LRP4: variants seen among roughly 807,000 people sequenced by gnomAD.
LRP4 encodes low-density lipoprotein receptor-related protein 4.
Under a neutral mutation model 220.3 loss-of-function variants are expected in LRP4, and 95 were observed. That is an observed-to-expected ratio of 0.43 (90% CI 0.37 to 0.51). The LOEUF (loss-of-function observed/expected upper bound fraction) is 0.51, where lower values mean the gene tolerates loss of function less well. Ranked by LOEUF, LRP4 falls within the 20% of genes least tolerant of loss-of-function variation. The pLI, the probability that LRP4 is intolerant of heterozygous loss-of-function variation, is 0.00. For synonymous variants in LRP4, 903 were observed against 954.6 expected, an observed-to-expected ratio of 0.95 and a Z score of 1.00; for missense variants, 1,925 against 2,567.0, an observed-to-expected ratio of 0.75 and a Z score of 5.40.
In LRP4 at chr11:46,879,069, G is replaced by A. The variant is rs17848223; in HGVS notation, c.3005-31C>T. ...TAGAGAGGAGGGGATGTTCAATGGG[G>A]AGAGCTAGGGCATAGGAGGGCCACG... On this transcript the variant is annotated intron_variant, in intron 21 of 37. Transcript: ENST00000378623. 1.5e-4 allele frequency: 248 copies of A among 1,614,228 alleles called. 4 individuals carry two copies. In the East Asian group the frequency reaches 2.8e-3, roughly 18 times the overall value.
In LRP4 at chr11:46,879,334, T is replaced by C. The variant is rs1481895717; in HGVS notation, c.2815-19A>G. On this transcript the variant is annotated intron_variant, in intron 20 of 37. Coordinates refer to ENST00000378623, the MANE Select transcript of LRP4 (RefSeq NM_002334.4). ...TCAGCACCTGCCAGGGCCCCAACAC[T>C]GTGTCATCTTCAACAAAGTCTGACA... 1 of 1,613,482 alleles carries C rather than the reference T, an allele frequency of 6.2e-7. No individual in the cohort carries two copies.
intron 35 of LRP4, 58 bp from the exon 36 acceptor site, chr11:46,864,593 G>C (rs539213829): frequency 4.3e-6 from 5 of 1,173,868 alleles, no homozygotes; most frequent in Non-Finnish European, 6.4e-6. Context: ...AGCGGTGCTG[G>C]TGTGAGGAAT....
At position 46,881,705 on chromosome 11, in the gene LRP4, C is replaced by T. The variant is rs1941163983; in HGVS notation, c.2811G>A (p.Arg937=). 6.2e-7 allele frequency: 1 copy of T among 1,614,190 alleles called. No homozygotes were observed. Residue 937 remains arginine, a synonymous_variant, in exon 20 of 38, where the codon AGG becomes AGA. Transcript: ENST00000378623. ...IEFAGLDGSK[R]KVLIGSQLPH... ...TTCCTCTTACTGCCACCCTTACCTT[C>T]CTCTTACTGCCATCCAGTCCAGCAA...
At position 46,873,529 on chromosome 11, in the gene LRP4, C is replaced by T; in HGVS notation, c.4294G>A (p.Gly1432Arg). The part of the protein sequence containing the change: ...VIGRGLKTTD[G>R]LAVDWVARNL... ...CTGGCCACCCAGTCCACTGCCAGCC[C>T]GTCAGTGGTCTTCAGCCCTCGCCCG... is the stretch of plus-strand genomic sequence containing the variant. The change falls in exon 29 of 38, where the codon GGG becomes AGG. Residue 1432 changes from glycine (G) to arginine (R), a missense_variant. Transcript: ENST00000378623. The surrounding 1 kb of genome is among the most constrained non-coding windows in gnomAD (Gnocchi z 4.2). 1.2e-6 allele frequency: 2 copies of T among 1,614,202 alleles called. No homozygotes were observed. Among genetic ancestry groups the T allele is most frequent in the Non-Finnish European group, 8.5e-7 (1 of 1,180,044 alleles).
chr11:46,877,651 T>C (rs531800451), intron 22 of LRP4, among the ~76,000 whole-genome samples: 13 of 152,094 alleles, frequency 8.5e-5, no homozygotes, highest in African/African-American at 3.1e-4. Context: ...TATTTTTTTG[T>C]AGAGATGGGG....
intron 37 of LRP4, among the ~76,000 whole-genome samples, chr11:46,861,508 C>T (rs1327275857): frequency 1.5e-5 from 2 of 134,798 alleles, no homozygotes; most frequent in Non-Finnish European, 1.6e-5. Context: ...AGTTAGTTTC[C>T]TTGTGGAAAT....
chr11:46,862,874 A>G, intron 36 of LRP4, 127 bp from the exon 37 acceptor site: 1 of 792,826 alleles, frequency 1.3e-6, no homozygotes, highest in Non-Finnish European at 2.2e-6. Context: ...CCTGGTACTC[A>G]TGCCCTTAAG....
intron 34 of LRP4, among the ~76,000 whole-genome samples, chr11:46,867,264 G>A (rs1292932805): frequency 1.3e-5 from 2 of 152,008 alleles, no homozygotes; most frequent in Non-Finnish European, 2.9e-5. Flanking sequence ...TATAAGCTAA[G>A]GCCATCATAT....
At chr11:46,878,253 A>G (rs559695385) in intron 22 of LRP4, among the ~76,000 whole-genome samples, 1 of 145,036 alleles carries the variant, frequency 6.9e-6, no homozygotes, top group South Asian at 2.2e-4. Context: ...TATTATACCA[A>G]TTTTGGGCAG....
In LRP4 at chr11:46,876,841, A is replaced by G; in HGVS notation, c.3278-11T>C. Reference sequence around the variant, plus strand: ...ACCAGTACACCTTTCCTGGAGAGGGAAAGCTTGGCTCAACCTAGACCCTCA... The same window carrying G: ...ACCAGTACACCTTTCCTGGAGAGGGGAAGCTTGGCTCAACCTAGACCCTCA... On this transcript the variant is annotated splice_polypyrimidine_tract_variant and intron_variant, in intron 23 of 37. Coordinates refer to ENST00000378623, the MANE Select transcript of LRP4 (RefSeq NM_002334.4). The G allele has an allele frequency of 6.2e-7, 1 of 1,610,870 alleles. No homozygotes were observed. The highest frequency in any genetic ancestry group is 8.5e-7 in the Non-Finnish European group (1 of 1,177,440).
Position 46,876,483 on chromosome 11 carries a change from T to A in LRP4, c.3519A>T (p.Val1173=). ...WQNLDSPRAI[V]LYHEMGFMYW... is the part of the protein sequence containing the mutation. ...GCTCTCACCCCATCTCATGGTACAGTACGATGGCCCGGGGACTGTCAAGGT... is the reference window on the plus strand; with the variant it reads ...GCTCTCACCCCATCTCATGGTACAGAACGATGGCCCGGGGACTGTCAAGGT... The change falls in exon 25 of 38, where the codon GTA becomes GTT. Residue 1173 remains valine, a synonymous_variant. Coordinates refer to ENST00000378623, the MANE Select transcript of LRP4 (RefSeq NM_002334.4). 1 of 1,614,178 alleles carries A rather than the reference T, an allele frequency of 6.2e-7. No homozygotes were observed. The highest frequency in any genetic ancestry group is 2.2e-5 in the East Asian group (1 of 44,872).
chr11:46,916,519 C>CA (rs1291509688), intron 1 of LRP4, among the ~76,000 whole-genome samples: 1 of 152,018 alleles, frequency 6.6e-6, no homozygotes, highest in Non-Finnish European at 1.5e-5. Flanking sequence ...TAGACATACG[C>CA]AATTCTCTCC....
In LRP4 at chr11:46,859,169, C is replaced by T. The variant is rs149687723; in HGVS notation, c.5532G>A (p.Lys1844=). Residue 1844 remains lysine, a synonymous_variant, in exon 38 of 38, where the codon AAG becomes AAA. Transcript: ENST00000378623. ...GGLLRDHVCM[K]TDTVSIQASS... ...TGGCCTGGATGGACACCGTGTCTGT[C>T]TTCATGCATACATGATCCCGGAGGA... 6.2e-6 allele frequency: 10 copies of T among 1,614,080 alleles called. No homozygotes were observed. In the African/African-American group the frequency reaches 1.2e-4, roughly 19 times the overall value.
intron 16 of LRP4, among the ~76,000 whole-genome samples, chr11:46,887,920 C>T (rs779460811): frequency 4.4e-5 from 6 of 137,914 alleles, no homozygotes; most frequent in South Asian, 2.4e-4. Flanking sequence ...GGGGCTGGGG[C>T]GGGAGGCTTG....
At chr11:46,868,246 CCTTCTTAATACTATCAATA>C in intron 33 of LRP4, 132 bp from the exon 34 acceptor site, 1 of 1,004,690 alleles carries the variant, frequency 1.0e-6, no homozygotes, top group South Asian at 1.4e-5. Flanking sequence ...CATTAGTAGC[CCTTCTTAATACTATCAATA>C]AAAAGGAGTT....
intron 2 of LRP4, among the ~76,000 whole-genome samples, chr11:46,902,448 T>A (rs1941684746): frequency 6.6e-6 from 1 of 152,094 alleles, no homozygotes; most frequent in African/African-American, 2.4e-5. Context: ...TATATAAATT[T>A]TAAAACGCAC....
intron 31 of LRP4, 32 bp downstream of exon 31, chr11:46,871,490 AAGG>A (rs779760008): frequency 5.7e-6 from 8 of 1,406,278 alleles, no homozygotes; most frequent in Non-Finnish European, 8.0e-6. Flanking sequence ...CATCCCAGTC[AAGG>A]AGGTTTAGTT....
chr11:46,904,222 A>C (rs12290700), intron 1 of LRP4, among the ~76,000 whole-genome samples: 6,212 of 152,260 alleles, frequency 0.041, 421 homozygotes, highest in African/African-American at 0.14. Context: ...GCTGAAACAG[A>C]GAAGGAGTCA....
chr11:46,900,098 T>A, intron 3 of LRP4, 122 bp from the exon 4 acceptor site: 1 of 980,810 alleles, frequency 1.0e-6, no homozygotes. Context: ...CCGAAGGAGG[T>A]GGCTGCCTCT....
Sources: gnomAD v4.1 joint callset for allele counts (sites outside exome capture counted in the v4.1 genomes callset) on GRCh38, gnomAD v4.1.1 for gene constraint, Gnocchi (gnomAD v3.1) non-coding constraint, MANE v1.5 for transcripts, NCBI Gene and HGNC (gene_info 2026-07-23, HGNC 2026-07-21) for gene names.